CATSPERE: variants seen among roughly 807,000 people sequenced by gnomAD.
CATSPERE encodes the protein cation channel sperm-associated auxiliary subunit epsilon.
In CATSPERE, 93 loss-of-function variants were observed where a neutral mutation model predicts 114.1. The ratio of observed to expected loss-of-function variants is 0.81; its 90% confidence interval spans 0.69 to 0.97. The LOEUF is 0.97. Ranked by LOEUF, CATSPERE falls within the 50% of genes least tolerant of loss-of-function variation. CATSPERE has a pLI of 0.00. For missense variants in CATSPERE, 1,058 were observed against 1,131.6 expected, an observed-to-expected ratio of 0.93 and a Z score of 0.93; for synonymous variants, 341 against 384.1, an observed-to-expected ratio of 0.89 and a Z score of 1.31.
intron 17 of CATSPERE, among the ~76,000 whole-genome samples, chr1:244,593,935 A>G (rs980981458): frequency 1.3e-5 from 2 of 152,244 alleles, no homozygotes; most frequent in African/African-American, 4.8e-5. Context: ...CCACAAGCCA[A>G]TAATAAATGA....
intron 6 of CATSPERE, among the ~76,000 whole-genome samples, chr1:244,493,287 A>G (rs1047095451): frequency 2.4e-4 from 36 of 152,244 alleles, no homozygotes; most frequent in Non-Finnish European, 4.3e-4. Flanking sequence ...GCCCTCAGAA[A>G]TACTGCCACA....
intron 17 of CATSPERE, among the ~76,000 whole-genome samples, chr1:244,596,233 T>C (rs1220126148): frequency 1.3e-5 from 2 of 152,194 alleles, no homozygotes; most frequent in African/African-American, 4.8e-5. Flanking sequence ...CATATATGGT[T>C]CCAGAAAGTC....
chr1:244,564,864 G>T (rs1180463235), intron 10 of CATSPERE, among the ~76,000 whole-genome samples: 2 of 152,156 alleles, frequency 1.3e-5, no homozygotes, highest in African/African-American at 4.8e-5. Context: ...TGCCTATTCA[G>T]TATGATATTG....
At chr1:244,508,627 G>A (rs1001950369) in intron 7 of CATSPERE, among the ~76,000 whole-genome samples, 1 of 151,048 alleles carries the variant, frequency 6.6e-6, no homozygotes, top group Non-Finnish European at 1.5e-5. Flanking sequence ...TTTCTATGTT[G>A]ATTTTGTATT....
At chr1:244,619,573 T>A (rs946277709) in intron 20 of CATSPERE, among the ~76,000 whole-genome samples, 6 of 152,180 alleles carry the variant, frequency 3.9e-5, no homozygotes, top group Non-Finnish European at 7.3e-5. Context: ...GGAGAGTATT[T>A]CTTCCAAGAG....
chr1:244,591,626 T>C, intron 14 of CATSPERE, 55 bp from the exon 15 acceptor site: 1 of 1,074,340 alleles, frequency 9.3e-7, no homozygotes, highest in Non-Finnish European at 1.4e-6. Flanking sequence ...ATTAAATGTT[T>C]TTGCAAATAT....
chr1:244,610,466 C>G (rs185582542), intron 19 of CATSPERE, 140 bp downstream of exon 19: 5 of 719,160 alleles, frequency 7.0e-6, no homozygotes, highest in Admixed American at 6.2e-5. Context: ...TAAATTGTAT[C>G]ATGGTATTTT....
chr1:244,591,840 G>A (rs1482800808), intron 15 of CATSPERE, 109 bp downstream of exon 15: 1 of 684,220 alleles, frequency 1.5e-6, no homozygotes, highest in East Asian at 3.0e-5. Flanking sequence ...TGTTCGGCTT[G>A]ACACTGTGCA....
At chr1:244,639,554 G>C (rs1675080321) in intron 21 of CATSPERE, among the ~76,000 whole-genome samples, 1 of 152,134 alleles carries the variant, frequency 6.6e-6, no homozygotes, top group South Asian at 2.1e-4. Flanking sequence ...GCTGGGTGTG[G>C]TGGTGCCCTC....
intron 8 of CATSPERE, among the ~76,000 whole-genome samples, chr1:244,523,027 A>T (rs1353876576): frequency 6.8e-6 from 1 of 146,464 alleles, no homozygotes; most frequent in Non-Finnish European, 1.5e-5. Context: ...GCAGAGACAC[A>T]ACCAAAAAAA....
chr1:244,531,528 T>C (rs1679594660), intron 8 of CATSPERE, among the ~76,000 whole-genome samples: 1 of 152,110 alleles, frequency 6.6e-6, no homozygotes, highest in Non-Finnish European at 1.5e-5. Context: ...AAAATTTTTT[T>C]TTTGTCATGA....
chr1:244,493,793 T>A (rs1177822527), intron 6 of CATSPERE, among the ~76,000 whole-genome samples: 1 of 152,098 alleles, frequency 6.6e-6, no homozygotes, highest in African/African-American at 2.4e-5. Flanking sequence ...GGGTGAAGGA[T>A]ATGAACAGAC....
At position 244,581,780 on chromosome 1, in the gene CATSPERE, A is replaced by G. The variant is rs1388245185; in HGVS notation, c.1951-16A>G. On this transcript the variant is annotated splice_polypyrimidine_tract_variant and intron_variant, in intron 11 of 21. Transcript: ENST00000366534. ...ATTTCCCTGCTTTACATAAATTTTA[A>G]ATTTTCTTTTTTCAGACACTAACAT... 1 of 1,207,128 alleles carries G rather than the reference A, an allele frequency of 8.3e-7. No individual in the cohort carries two copies. Among genetic ancestry groups the G allele is most frequent in the Non-Finnish European group, 1.2e-6 (1 of 845,292 alleles). The allele number at this position is 1,207,128 out of a possible 1,614,324, so 74.8% of individuals were successfully genotyped here.
intron 19 of CATSPERE, among the ~76,000 whole-genome samples, chr1:244,611,706 AG>A (rs1420346429): frequency 3.3e-5 from 5 of 152,210 alleles, no homozygotes; most frequent in Non-Finnish European, 4.4e-5. Context: ...AGGACATCCA[AG>A]GGTCTGGAGT....
intron 7 of CATSPERE, among the ~76,000 whole-genome samples, chr1:244,505,759 C>G (rs1674720518): frequency 6.6e-6 from 1 of 152,142 alleles, no homozygotes; most frequent in African/African-American, 2.4e-5. Flanking sequence ...GTAATCCCAG[C>G]ACTTTGGGAG....
In CATSPERE at chr1:244,614,820, T is replaced by C. The variant is rs138712967; in HGVS notation, c.2491-2709T>C. Among the ~76,000 whole-genome samples the C allele has an allele frequency of 2.1e-3, 322 of 152,326 alleles. 2 individuals carry two copies. Among genetic ancestry groups the C allele is most frequent in the African/African-American group, 7.5e-3 (310 of 41,576 alleles). On this transcript the variant is annotated intron_variant, in intron 19 of 21. Transcript: ENST00000366534. Reference sequence around the variant, plus strand: ...TTTCTTATTTTTAAAATTAATTTTTTTATTTTCATTTTTACCATGTAATAT... The same window carrying C: ...TTTCTTATTTTTAAAATTAATTTTTCTATTTTCATTTTTACCATGTAATAT...
intron 20 of CATSPERE, among the ~76,000 whole-genome samples, chr1:244,621,895 C>G (rs2148721489): frequency 6.6e-6 from 1 of 152,318 alleles, no homozygotes; most frequent in South Asian, 2.1e-4. Context: ...GAACAAATGT[C>G]CACTACAGTC....
intron 18 of CATSPERE, 81 bp downstream of exon 18, chr1:244,605,875 C>T: frequency 1.0e-6 from 1 of 968,710 alleles, no homozygotes; most frequent in Non-Finnish European, 1.5e-6. Context: ...AATAAGCGAT[C>T]TAAGGAAAAT....
intron 8 of CATSPERE, among the ~76,000 whole-genome samples, chr1:244,532,040 A>C (rs1207383122): frequency 6.6e-6 from 1 of 152,092 alleles, no homozygotes; most frequent in Non-Finnish European, 1.5e-5. Flanking sequence ...AGATTTCTTC[A>C]TGGTTCAATC....
Sources: allele counts gnomAD v4.1 joint callset (sites outside exome capture counted in the v4.1 genomes callset), GRCh38; gene constraint gnomAD v4.1.1; transcripts MANE v1.5; gene names NCBI Gene and HGNC (gene_info 2026-07-23, HGNC 2026-07-21).